The following TTC29 variants were observed in gnomAD, a reference collection of about 807,000 sequenced individuals.
TTC29 encodes tetratricopeptide repeat domain 29, also known as tetratricopeptide repeat protein 29.
Under a neutral mutation model 58.1 loss-of-function variants are expected in TTC29, and 49 were observed. That is an observed-to-expected ratio of 0.84 (90% CI 0.67 to 1.07). The LOEUF (loss-of-function observed/expected upper bound fraction) is 1.07, where lower values mean the gene tolerates loss of function less well. Ranked by LOEUF, TTC29 falls within the 50% of genes least tolerant of loss-of-function variation. The pLI is 0.00. For synonymous variants in TTC29, 209 were observed against 196.8 expected (o/e 1.06, Z -0.52); for missense variants, 582 against 555.6 (o/e 1.05, Z -0.48).
At chr4:146,714,981 T>C (rs1468841083) in intron 11 of TTC29, among the ~76,000 whole-genome samples, 1 of 151,888 alleles carries the variant, frequency 6.6e-6, no homozygotes, top group Admixed American at 6.6e-5. Context: ...TACAGGCGTA[T>C]GCCACCATGT....
At chr4:146,748,026 C>T (rs1745678717) in intron 11 of TTC29, among the ~76,000 whole-genome samples, 1 of 152,328 alleles carries the variant, frequency 6.6e-6, no homozygotes, top group Admixed American at 6.5e-5. Context: ...CTGCATCTGC[C>T]TCACAGAGCC....
Position 146,909,038 on chromosome 4 carries a change from C to A in TTC29, c.388G>T (p.Ala130Ser), listed in dbSNP as rs374934562. The A allele has an allele frequency of 6.2e-7, 1 of 1,613,652 alleles. No individual in the cohort carries two copies. The highest frequency in any genetic ancestry group is 8.5e-7 in the Non-Finnish European group (1 of 1,179,716). ...LYHYLTRAED[A>S]ERKESFEDVH... ...TCCCACCACTTACCTTTCCTCTCAG[C>A]GTCCTCAGCCCTGGTCAGGTAATGG... The change falls in exon 5 of 13, where the codon GCT becomes TCT. Residue 130 changes from alanine to serine, a missense_variant. By Grantham distance (99) the Ala-to-Ser change is moderately conservative. Transcript: ENST00000325106.
At chr4:146,940,786 A>C (rs1348567779) in intron 2 of TTC29, among the ~76,000 whole-genome samples, 2 of 152,230 alleles carry the variant, frequency 1.3e-5, no homozygotes, top group Non-Finnish European at 2.9e-5. Context: ...CCAGGCTCCA[A>C]AGGCAAGTAT....
At chr4:146,939,939 A>G in intron 2 of TTC29, 38 bp from the exon 3 acceptor site, 1 of 1,553,202 alleles carries the variant, frequency 6.4e-7, no homozygotes, top group Non-Finnish European at 8.7e-7. Flanking sequence ...ATTTTAAGGA[A>G]TAAATCTTTC....
intron 11 of TTC29, among the ~76,000 whole-genome samples, chr4:146,738,028 A>C (rs1744851407): frequency 1.3e-5 from 2 of 152,192 alleles, no homozygotes; most frequent in Non-Finnish European, 2.9e-5. Context: ...AAATACAACT[A>C]TATTGCCTGG....
intron 10 of TTC29, among the ~76,000 whole-genome samples, chr4:146,803,913 A>G (rs1750417390): frequency 6.6e-6 from 1 of 152,216 alleles, no homozygotes; most frequent in East Asian, 1.9e-4. Context: ...AGTTGTATCT[A>G]TTAGACTAAG....
intron 4 of TTC29, among the ~76,000 whole-genome samples, chr4:146,917,228 TC>T (rs1321137734): frequency 6.6e-6 from 1 of 150,538 alleles, no homozygotes; most frequent in Non-Finnish European, 1.5e-5. Context: ...CTAGAATTCA[TC>T]ATTAAAATGA....
At chr4:146,850,119 C>A (rs998114591) in intron 8 of TTC29, among the ~76,000 whole-genome samples, 4 of 152,210 alleles carry the variant, frequency 2.6e-5, no homozygotes, top group African/African-American at 7.2e-5. Flanking sequence ...TGTCTGTCTG[C>A]ATTGTTATTG....
rs539204682 is a variant in TTC29, at chr4:146,923,915, A to C, written c.176+13679T>G. Among the ~76,000 whole-genome samples the C allele has an allele frequency of 1.1e-4, 16 of 151,992 alleles. No homozygotes were observed. In the South Asian group the frequency reaches 2.9e-3, roughly 28 times the overall value. The stretch of plus-strand genomic sequence containing the variant: ...AGATTAGTGGCATTAATATAAGAAA[A>C]GGCAAATAAATCAATATAACAGAAT... On this transcript the variant is annotated intron_variant, in intron 4 of 12. Transcript: ENST00000325106.
intron 10 of TTC29, among the ~76,000 whole-genome samples, chr4:146,819,241 C>T (rs540690017): frequency 9.2e-5 from 14 of 151,962 alleles, no homozygotes; most frequent in Non-Finnish European, 1.9e-4. Context: ...ACCGAGGCAC[C>T]TAGAAATTTA....
intron 4 of TTC29, among the ~76,000 whole-genome samples, chr4:146,927,864 T>C (rs1735043633): frequency 6.6e-6 from 1 of 152,144 alleles, no homozygotes; most frequent in South Asian, 2.1e-4. Context: ...TAAAAGATCA[T>C]GGGTTCTCAT....
chr4:146,930,874 A>G (rs925304254), intron 4 of TTC29, among the ~76,000 whole-genome samples: 1 of 152,126 alleles, frequency 6.6e-6, no homozygotes, highest in Non-Finnish European at 1.5e-5. Flanking sequence ...ACTTTGTCCT[A>G]TGACACTGAA....
chr4:146,842,881 G>C (rs2150171367), intron 8 of TTC29, among the ~76,000 whole-genome samples: 1 of 152,250 alleles, frequency 6.6e-6, no homozygotes, highest in Non-Finnish European at 1.5e-5. Context: ...TCTTGAGCTT[G>C]AAATCATTGT....
intron 2 of TTC29, among the ~76,000 whole-genome samples, chr4:146,941,593 T>C (rs1736397364): frequency 6.6e-6 from 1 of 152,114 alleles, no homozygotes; most frequent in Non-Finnish European, 1.5e-5. Context: ...TGCTCACCAA[T>C]GGCAAAGGGA....
At chr4:146,822,112 A>AT (rs1751883671) in intron 9 of TTC29, among the ~76,000 whole-genome samples, 1 of 113,728 alleles carries the variant, frequency 8.8e-6, no homozygotes, top group Non-Finnish European at 1.7e-5. Flanking sequence ...TTCAGAAAGT[A>AT]TTTTCTTTTA....
intron 9 of TTC29, among the ~76,000 whole-genome samples, chr4:146,823,949 T>G (rs1353078095): frequency 6.6e-6 from 1 of 152,208 alleles, no homozygotes; most frequent in African/African-American, 2.4e-5. Context: ...ACACATTGAT[T>G]TTGTATCCTG....
intron 4 of TTC29, among the ~76,000 whole-genome samples, chr4:146,916,401 C>A (rs1006707177): frequency 6.6e-6 from 1 of 151,364 alleles, no homozygotes; most frequent in Non-Finnish European, 1.5e-5. Flanking sequence ...TACTTTAAAG[C>A]CATATAGAAT....
At chr4:146,874,140 A>G (rs1731105163) in intron 7 of TTC29, among the ~76,000 whole-genome samples, 1 of 152,140 alleles carries the variant, frequency 6.6e-6, no homozygotes, top group Non-Finnish European at 1.5e-5. Flanking sequence ...CATATACATC[A>G]CCTGGGTATC....
Position 146,707,039 on chromosome 4 carries a change from A to G in TTC29, c.*119T>C, listed in dbSNP as rs922656096. ...CTGAAATGCAAAATCCAATGAAAAG[A>G]GTCATAGTCCGTTTTATTATAACTC... On this transcript the variant is annotated 3_prime_UTR_variant, in exon 13 of 13. Coordinates refer to ENST00000325106, the MANE Select transcript of TTC29 (RefSeq NM_031956.4). 3 of 636,664 alleles carry G rather than the reference A, an allele frequency of 4.7e-6. No individual in the cohort carries two copies. The highest frequency in any genetic ancestry group is 3.8e-5 in the African/African-American group (2 of 52,078). The allele number at this position is 636,664 out of a possible 1,614,324, so 39.4% of individuals were successfully genotyped here.
Sources: gnomAD v4.1 joint callset for allele counts (sites outside exome capture counted in the v4.1 genomes callset) on GRCh38, gnomAD v4.1.1 for gene constraint, MANE v1.5 for transcripts, NCBI Gene and HGNC (gene_info 2026-07-23, HGNC 2026-07-21) for gene names.